The following LRBA variants were observed in gnomAD, a reference collection of about 807,000 sequenced individuals.
LRBA encodes the protein LPS responsive beige-like anchor protein.
A neutral mutation model predicts 330.0 loss-of-function variants in LRBA; 176 were observed. The observed-to-expected ratio is 0.53, with a 90% CI of 0.47 to 0.60. LRBA has a LOEUF of 0.60. Ranked by LOEUF, LRBA falls within the 20% of genes least tolerant of loss-of-function variation. The probability of loss-of-function intolerance (pLI) is 0.00; values close to 1 mark genes in which losing one functional copy is unlikely to be tolerated. For synonymous variants in LRBA, 1,230 were observed against 1,193.0 expected (o/e 1.03, Z -0.64); for missense variants, 3,259 against 3,444.8 (o/e 0.95, Z 1.35).
intron 35 of LRBA, among the ~76,000 whole-genome samples, chr4:150,746,429 C>T (rs1732732714): frequency 6.6e-6 from 1 of 151,798 alleles, no homozygotes. Context: ...TATCTTCCTT[C>T]TTCATCATCC....
intron 2 of LRBA, among the ~76,000 whole-genome samples, chr4:150,974,576 A>G (rs1358922018): frequency 5.9e-5 from 9 of 152,220 alleles, no homozygotes; most frequent in Non-Finnish European, 1.5e-5. Context: ...GCTACACTAT[A>G]TCTACCATTG....
At chr4:150,464,098 A>G (rs1262159712) in intron 44 of LRBA, among the ~76,000 whole-genome samples, 1 of 151,922 alleles carries the variant, frequency 6.6e-6, no homozygotes, top group Non-Finnish European at 1.5e-5. Context: ...CCAGCCCACA[A>G]TCCATCTTAG....
At chr4:150,377,174 C>T (rs1036117839) in intron 47 of LRBA, among the ~76,000 whole-genome samples, 4 of 150,378 alleles carry the variant, frequency 2.7e-5, no homozygotes, top group Admixed American at 2.6e-4. Context: ...TTAGTCTTGA[C>T]TTGGGCTTAG....
intron 53 of LRBA, among the ~76,000 whole-genome samples, chr4:150,290,562 CTCT>C (rs572242084): frequency 2.2e-4 from 33 of 152,258 alleles, no homozygotes; most frequent in African/African-American, 7.9e-4. Flanking sequence ...ACATTTCAAA[CTCT>C]TCTTAAAGAA....
At chr4:150,568,335 A>C (rs1419824984) in intron 40 of LRBA, among the ~76,000 whole-genome samples, 1 of 152,178 alleles carries the variant, frequency 6.6e-6, no homozygotes, top group Non-Finnish European at 1.5e-5. Flanking sequence ...CTATGGCATG[A>C]TGACAGTGTT....
intron 17 of LRBA, among the ~76,000 whole-genome samples, chr4:150,882,031 A>G (rs1728453049): frequency 6.6e-6 from 1 of 152,104 alleles, no homozygotes; most frequent in African/African-American, 2.4e-5. Context: ...AGTTGCAGTG[A>G]GCTGAGATGG....
At chr4:150,475,287 G>A (rs1319136839) in intron 42 of LRBA, among the ~76,000 whole-genome samples, 1 of 152,144 alleles carries the variant, frequency 6.6e-6, no homozygotes, top group Non-Finnish European at 1.5e-5. Context: ...TGAGGTGACT[G>A]ACCTTATAGA....
chr4:150,617,905 A>C (rs529712640), intron 37 of LRBA, among the ~76,000 whole-genome samples: 2 of 152,190 alleles, frequency 1.3e-5, no homozygotes, highest in African/African-American at 4.8e-5. Flanking sequence ...CCAGGAGTTC[A>C]ACACCAACCT....
At chr4:150,916,964 T>C (rs1732679197) in intron 5 of LRBA, among the ~76,000 whole-genome samples, 1 of 152,032 alleles carries the variant, frequency 6.6e-6, no homozygotes, top group Non-Finnish European at 1.5e-5. Flanking sequence ...CCATCCTGGC[T>C]AACACGGTGA....
At chr4:150,669,988 A>G (rs1781909346) in intron 37 of LRBA, among the ~76,000 whole-genome samples, 2 of 152,176 alleles carry the variant, frequency 1.3e-5, no homozygotes, top group Admixed American at 1.3e-4. Context: ...CTTCTTACTG[A>G]TGGTATTAAG....
chr4:150,961,302 TA>T (rs36029882), intron 2 of LRBA, among the ~76,000 whole-genome samples: 1 of 149,108 alleles, frequency 6.7e-6, no homozygotes, highest in Non-Finnish European at 1.5e-5. Flanking sequence ...AGAATGTCCT[TA>T]AAAAGAACTC....
intron 2 of LRBA, among the ~76,000 whole-genome samples, chr4:151,002,260 T>C (rs960262877): frequency 1.6e-4 from 14 of 88,438 alleles, no homozygotes; most frequent in African/African-American, 4.4e-4. Flanking sequence ...TCCAGCAACA[T>C]ATCCCAATCA....
At chr4:150,374,133 A>C (rs1330384238) in intron 47 of LRBA, among the ~76,000 whole-genome samples, 2 of 152,146 alleles carry the variant, frequency 1.3e-5, no homozygotes, top group African/African-American at 4.8e-5. Context: ...CTCCATGAAA[A>C]CTTCCAATAC....
intron 2 of LRBA, among the ~76,000 whole-genome samples, chr4:150,946,243 A>G (rs1736231638): frequency 6.6e-6 from 1 of 152,226 alleles, no homozygotes; most frequent in Non-Finnish European, 1.5e-5. Flanking sequence ...ATCAGAAAGG[A>G]TTAAAAGAAC....
chr4:150,279,281 T>G (rs1747206655), intron 55 of LRBA, among the ~76,000 whole-genome samples: 1 of 152,146 alleles, frequency 6.6e-6, no homozygotes, highest in Admixed American at 6.5e-5. Context: ...TAATTGTCCC[T>G]CCCTCCTCCA....
intron 37 of LRBA, among the ~76,000 whole-genome samples, chr4:150,634,593 C>T (rs796983730): frequency 2.0e-5 from 3 of 152,290 alleles, no homozygotes; most frequent in African/African-American, 7.2e-5. Flanking sequence ...TAAGCTATCC[C>T]ACACAATACT....
At chr4:150,811,773 G>A (rs1743776715) in intron 31 of LRBA, among the ~76,000 whole-genome samples, 1 of 152,084 alleles carries the variant, frequency 6.6e-6, no homozygotes, top group African/African-American at 2.4e-5. Context: ...TCAAAGTGCT[G>A]GGACTACAGG....
At chr4:150,660,492 C>T (rs528170521) in intron 37 of LRBA, among the ~76,000 whole-genome samples, 1,347 of 143,078 alleles carry the variant, frequency 9.4e-3, no homozygotes, top group African/African-American at 0.033. Flanking sequence ...GGGGGTCAGC[C>T]CCCCCCGCCC....
intron 36 of LRBA, among the ~76,000 whole-genome samples, chr4:150,684,672 T>C (rs1561512516): frequency 6.6e-6 from 1 of 152,176 alleles, no homozygotes; most frequent in Non-Finnish European, 1.5e-5. Context: ...AGGCATTGTT[T>C]AAAATAAGAA....
Sources: gnomAD v4.1 joint callset for allele counts (sites outside exome capture counted in the v4.1 genomes callset) on GRCh38, gnomAD v4.1.1 for gene constraint, MANE v1.5 for transcripts, NCBI Gene and HGNC (gene_info 2026-07-23, HGNC 2026-07-21) for gene names.